MEF2A: variants seen among roughly 807,000 people sequenced by gnomAD.
MEF2A encodes myocyte enhancer factor 2A.
Under a neutral mutation model 55.8 loss-of-function variants are expected in MEF2A, and 28 were observed. The ratio of observed to expected loss-of-function variants is 0.50; its 90% confidence interval spans 0.37 to 0.69. The LOEUF is 0.69. Among genes scored for constraint, MEF2A ranks in the 30% least tolerant of loss-of-function variants. MEF2A has a pLI of 0.00. For synonymous variants in MEF2A, 239 were observed against 227.1 expected (o/e 1.05, Z -0.47); for missense variants, 528 against 626.2 (o/e 0.84, Z 1.67).
rs1228579292 is a variant in MEF2A, at chr15:99,715,770, C to T, written c.*2999C>T. The T allele has an allele frequency of 2.0e-5, 3 of 152,164 alleles. No homozygotes were observed. Among genetic ancestry groups the T allele is most frequent in the Admixed American group, 6.5e-5 (1 of 15,280 alleles). 9.4% of individuals were successfully genotyped at this position (152,164 alleles called of 1,614,324 possible). ...AGCTTAAATTGCACTGGTTAAAGTA[C>T]AGTTTCCAACAGCTGTCCTTCCTCA... On this transcript the variant is annotated 3_prime_UTR_variant, in exon 12 of 12. Coordinates refer to ENST00000557942, the MANE Select transcript of MEF2A (RefSeq NM_001319206.4).
At chr15:99,665,731 C>CAAAAAAAAAAAAAAAAAA (rs752473261) in intron 4 of MEF2A, among the ~76,000 whole-genome samples, 12 of 20,242 alleles carry the variant, frequency 5.9e-4, no homozygotes, top group Non-Finnish European at 7.9e-4. Context: ...CTTAAATTTA[C>CAAAAAAAAAAAAAAAAAA]AAAAAAAAAA....
chr15:99,685,930 A>C (rs1338813784), intron 7 of MEF2A, among the ~76,000 whole-genome samples: 3 of 152,160 alleles, frequency 2.0e-5, no homozygotes, highest in Admixed American at 1.3e-4. Flanking sequence ...CTCTGAATTC[A>C]TCTGGTCTTG....
rs1383632203 is a variant in MEF2A at position 99,715,313 on chromosome 15, C to A, written c.*2542C>A. 1.3e-5 allele frequency: 2 copies of A among 152,162 alleles called. No individual in the cohort carries two copies. Among genetic ancestry groups the A allele is most frequent in the Non-Finnish European group, 2.9e-5 (2 of 68,028 alleles). The allele number at this position is 152,162 out of a possible 1,614,324, so 9.4% of individuals were successfully genotyped here. On this transcript the variant is annotated 3_prime_UTR_variant, in exon 12 of 12. Transcript: ENST00000557942. ...CATTTACTGTCTATTTTCTTGTGTG[C>A]CTTATGAGATGGCTTTTCTGACTGT...
chr15:99,602,566 C>G (rs909442803), intron 2 of MEF2A, among the ~76,000 whole-genome samples: 1 of 152,098 alleles, frequency 6.6e-6, no homozygotes, highest in Admixed American at 6.5e-5. Context: ...CTGCCTTTCA[C>G]TGGCTTGGGC....
At chr15:99,611,942 A>G (rs940084579) in intron 2 of MEF2A, among the ~76,000 whole-genome samples, 3 of 152,228 alleles carry the variant, frequency 2.0e-5, no homozygotes, top group African/African-American at 4.8e-5. Context: ...GTATAATTGT[A>G]TATTTCCAGA....
At chr15:99,577,198 A>G (rs970607061) in intron 1 of MEF2A, among the ~76,000 whole-genome samples, 19 of 152,264 alleles carry the variant, frequency 1.2e-4, no homozygotes, top group Middle Eastern at 3.2e-3. Context: ...ATTAAGTGCT[A>G]TAAAGCATAG....
At chr15:99,705,846 G>T (rs2057973970) in intron 9 of MEF2A, among the ~76,000 whole-genome samples, 1 of 152,202 alleles carries the variant, frequency 6.6e-6, no homozygotes, top group Non-Finnish European at 1.5e-5. Flanking sequence ...AAATAGAGTT[G>T]TGCTGTGGCT....
chr15:99,597,055 T>C (rs1971428990), intron 1 of MEF2A, among the ~76,000 whole-genome samples: 1 of 152,136 alleles, frequency 6.6e-6, no homozygotes, highest in African/African-American at 2.4e-5. Context: ...TTATACAGCA[T>C]GTGTGTTTGA....
At chr15:99,594,249 A>C (rs937101818) in intron 1 of MEF2A, among the ~76,000 whole-genome samples, 1 of 152,186 alleles carries the variant, frequency 6.6e-6, no homozygotes, top group Non-Finnish European at 1.5e-5. Flanking sequence ...TTAATTTGCT[A>C]GAGCAGCTCA....
At position 99,690,420 on chromosome 15, in the gene MEF2A, C is replaced by T; in HGVS notation, c.850C>T (p.Pro284Ser). The T allele has an allele frequency of 1.3e-6, 2 of 1,593,710 alleles. No individual in the cohort carries two copies. The highest frequency in any genetic ancestry group is 2.2e-5 in the East Asian group (1 of 44,568). ...CCCCCCTTCAAGCAAGGGCATGATGCCTCCACTAGTAAGTTGAACCTTTCT... is the reference window on the plus strand; with the variant it reads ...CCCCCCTTCAAGCAAGGGCATGATGTCTCCACTAGTAAGTTGAACCTTTCT... ...VIPPSSKGMM[P>S]PLSEEEELEL... Residue 284 changes from proline to serine, a missense_variant, in exon 8 of 12, where the codon CCT becomes TCT. Pro to Ser is a moderately conservative substitution (Grantham distance 74). This residue lies in a region of MEF2A where 450 missense variants were observed against 475.3 expected (regional missense o/e 0.95). Coordinates refer to ENST00000557942, the MANE Select transcript of MEF2A (RefSeq NM_001319206.4).
At chr15:99,661,191 C>T (rs117754221) in intron 4 of MEF2A, among the ~76,000 whole-genome samples, 2,959 of 152,228 alleles carry the variant, frequency 0.019, 38 homozygotes, top group Non-Finnish European at 0.03. Context: ...TGAAATTGGA[C>T]TTACCTCAGA....
At chr15:99,660,447 T>TGA (rs1364916173) in intron 4 of MEF2A, among the ~76,000 whole-genome samples, 2 of 152,186 alleles carry the variant, frequency 1.3e-5, no homozygotes, top group African/African-American at 4.8e-5. Flanking sequence ...CTTCCAGGTG[T>TGA]GACCAGTAAG....
chr15:99,601,129 CTAAT>C (rs1321987450), intron 2 of MEF2A, among the ~76,000 whole-genome samples: 14 of 152,132 alleles, frequency 9.2e-5, no homozygotes, highest in African/African-American at 3.4e-4. Context: ...AAATTCATCT[CTAAT>C]TATTTTAACT....
chr15:99,676,373 C>T (rs896035117), intron 7 of MEF2A, among the ~76,000 whole-genome samples: 2 of 151,300 alleles, frequency 1.3e-5, no homozygotes, highest in Non-Finnish European at 2.9e-5. Context: ...GTTTGTATGC[C>T]TACATACTGT....
At chr15:99,675,917 G>A (rs979638387) in intron 7 of MEF2A, among the ~76,000 whole-genome samples, 3 of 152,008 alleles carry the variant, frequency 2.0e-5, no homozygotes, top group African/African-American at 7.2e-5. Flanking sequence ...GTGTGCACCT[G>A]TAGTCCCAGC....
chr15:99,624,939 G>A (rs1463418782), intron 2 of MEF2A, among the ~76,000 whole-genome samples: 12 of 152,008 alleles, frequency 7.9e-5, no homozygotes, highest in Non-Finnish European at 1.3e-4. Flanking sequence ...TTTGACTTAC[G>A]ATTTTTCGAC....
intron 8 of MEF2A, among the ~76,000 whole-genome samples, chr15:99,700,623 A>C (rs2057281781): frequency 2.0e-5 from 3 of 152,206 alleles, no homozygotes; most frequent in Admixed American, 2.0e-4. Flanking sequence ...GTAACTGAAC[A>C]TACCTGGTGC....
intron 4 of MEF2A, among the ~76,000 whole-genome samples, chr15:99,652,581 A>G (rs1021774209): frequency 3.3e-5 from 5 of 152,188 alleles, no homozygotes; most frequent in African/African-American, 1.2e-4. Context: ...AAATCAGCCA[A>G]GTGTCACTGT....
Position 99,637,728 on chromosome 15 carries a change from C to T in MEF2A, c.54+4555C>T, listed in dbSNP as rs140215660. On this transcript the variant is annotated intron_variant, in intron 3 of 11. Coordinates refer to ENST00000557942, the MANE Select transcript of MEF2A (RefSeq NM_001319206.4). ...CACGCTGTCGGCTCACTGCAAGCTC[C>T]GCCTCCCGGGTTCGTGCCATTCTTC... 6.8e-3 allele frequency among the ~76,000 whole-genome samples: 1,033 copies of T among 152,186 alleles called. 11 individuals carry two copies. Among genetic ancestry groups the T allele is most frequent in the African/African-American group, 0.024 (981 of 41,522 alleles).
Sources: allele counts gnomAD v4.1 joint callset (sites outside exome capture counted in the v4.1 genomes callset), GRCh38; gene constraint gnomAD v4.1.1; regional missense constraint gnomAD v4.1.1; transcripts MANE v1.5; gene names NCBI Gene and HGNC (gene_info 2026-07-23, HGNC 2026-07-21).